The following FNDC7 variants were observed in gnomAD, a reference collection of about 807,000 sequenced individuals.
FNDC7 encodes fibronectin type III domain-containing protein 7.
Under a neutral mutation model 74.2 loss-of-function variants are expected in FNDC7, and 66 were observed. The observed-to-expected ratio is 0.89, with a 90% CI of 0.73 to 1.09. The LOEUF is 1.09. Among genes scored for constraint, FNDC7 ranks in the 50% least tolerant of loss-of-function variants. The pLI is 0.00. For synonymous variants in FNDC7, 307 were observed against 330.2 expected, an observed-to-expected ratio of 0.93 and a Z score of 0.76; for missense variants, 829 against 893.4, an observed-to-expected ratio of 0.93 and a Z score of 0.92.
intron 4 of FNDC7, 129 bp from the exon 5 acceptor site, chr1:108,722,206 A>T: frequency 1.1e-6 from 1 of 931,428 alleles, no homozygotes; most frequent in Non-Finnish European, 1.6e-6. Context: ...TCCCAATTTT[A>T]TGCTTTGAAC....
chr1:108,717,810 C>T lies in FNDC7; in HGVS notation c.116C>T (p.Ser39Leu). 6.4e-7 allele frequency: 1 copy of T among 1,551,702 alleles called. No individual in the cohort carries two copies. The highest frequency in any genetic ancestry group is 8.7e-7 in the Non-Finnish European group (1 of 1,146,998). Residue 39 changes from serine (S) to leucine (L), a missense_variant, in exon 3 of 13, where the codon TCA becomes TTA. Coordinates refer to ENST00000370017, the MANE Select transcript of FNDC7 (RefSeq NM_001144937.3). ...PEIPTIDQAY[S>L]KLSNSITVEW... ...ATACCCACTATTGATCAGGCATATT[C>T]AAAACTCAGCAACAGTATCACTGTA...
At chr1:108,736,269 G>A (rs563574882) in intron 10 of FNDC7, among the ~76,000 whole-genome samples, 12 of 151,992 alleles carry the variant, frequency 7.9e-5, no homozygotes, top group African/African-American at 2.2e-4. Flanking sequence ...CTCTTTGCCC[G>A]GAATTCCACC....
At chr1:108,729,862 A>G (rs1381651325) in intron 8 of FNDC7, among the ~76,000 whole-genome samples, 1 of 152,184 alleles carries the variant, frequency 6.6e-6, no homozygotes, top group East Asian at 1.9e-4. Flanking sequence ...GACCATACAA[A>G]ATACTGCATA....
At chr1:108,715,235 T>C (rs1390022103) in intron 2 of FNDC7, among the ~76,000 whole-genome samples, 1 of 152,146 alleles carries the variant, frequency 6.6e-6, no homozygotes, top group African/African-American at 2.4e-5. Flanking sequence ...CTAATTTAGA[T>C]CTCTTTGAGC....
Position 108,718,005 on chromosome 1 carries a change from C to A in FNDC7, c.311C>A (p.Ala104Glu), listed in dbSNP as rs1449924537. 1 of 1,551,702 alleles carries A rather than the reference C, an allele frequency of 6.4e-7. No homozygotes were observed. The highest frequency in any genetic ancestry group is 8.7e-7 in the Non-Finnish European group (1 of 1,146,992). ...RSISAAGRSQ[A>E]SPPKQAKTVL... ...ATCAGCGCTGCTGGGAGAAGCCAGG[C>A]GTCACCTCCAAAGCAGGCAAAGACA... is the stretch of plus-strand genomic sequence containing the variant. The change falls in exon 3 of 13, where the codon GCG (alanine) becomes GAG (glutamate). Residue 104 changes from alanine to glutamate, a missense_variant. By Grantham distance (107) the Ala-to-Glu change is moderately radical. Transcript: ENST00000370017.
intron 4 of FNDC7, among the ~76,000 whole-genome samples, chr1:108,721,447 C>T (rs4970806): frequency 0.54 from 81,470 of 151,818 alleles, 23,727 homozygotes; most frequent in East Asian, 0.87. Flanking sequence ...CCAGCCTGGG[C>T]GACAGAGCGA....
chr1:108,718,130 A>G, intron 3 of FNDC7, 99 bp downstream of exon 3: 1 of 1,421,538 alleles, frequency 7.0e-7, no homozygotes, highest in South Asian at 1.4e-5. Context: ...GTGTCACATG[A>G]GTGCCTACAA....
chr1:108,737,017 G>T (rs1359191953), intron 10 of FNDC7, among the ~76,000 whole-genome samples: 7 of 142,288 alleles, frequency 4.9e-5, no homozygotes, highest in Non-Finnish European at 4.5e-5. Flanking sequence ...ACCCAGGCTG[G>T]AGTGCAATGG....
At chr1:108,738,021 G>A (rs1661555245) in intron 11 of FNDC7, among the ~76,000 whole-genome samples, 1 of 152,180 alleles carries the variant, frequency 6.6e-6, no homozygotes, top group Admixed American at 6.5e-5. Context: ...AAACTTTATT[G>A]TGCACACACA....
chr1:108,722,961 G>C (rs1028813212), intron 5 of FNDC7, among the ~76,000 whole-genome samples: 1 of 140,408 alleles, frequency 7.1e-6, no homozygotes, highest in African/African-American at 2.5e-5. Flanking sequence ...CATGTCCTAG[G>C]CTTGGTGGGA....
At chr1:108,721,649 G>T (rs900720253) in intron 4 of FNDC7, among the ~76,000 whole-genome samples, 1 of 152,110 alleles carries the variant, frequency 6.6e-6, no homozygotes, top group African/African-American at 2.4e-5. Flanking sequence ...ACCTTCTTAC[G>T]CTTTTTTAAT....
chr1:108,730,483 C>G (rs1203624523), intron 8 of FNDC7, among the ~76,000 whole-genome samples, 191 bp from the exon 9 acceptor site: 2 of 151,516 alleles, frequency 1.3e-5, no homozygotes, highest in East Asian at 3.9e-4. Flanking sequence ...GGAAAGTACC[C>G]ACTATATACA....
chr1:108,730,683 G>A lies in FNDC7; in HGVS notation c.1634G>A (p.Cys545Tyr). The A allele has an allele frequency of 6.4e-7, 1 of 1,567,134 alleles. No individual in the cohort carries two copies. The highest frequency in any genetic ancestry group is 8.7e-7 in the Non-Finnish European group (1 of 1,152,970). The change falls in exon 9 of 13, where the codon TGT becomes TAT. Residue 545 changes from cysteine to tyrosine, a missense_variant. Coordinates refer to ENST00000370017, the MANE Select transcript of FNDC7 (RefSeq NM_001144937.3). ...YSVPLETVPC[C>Y]PTGLTVTQIT... is the part of the protein sequence containing the mutation. Reference sequence around the variant, plus strand: ...TTTTATCCCATTTAAGTGCCATGCTGTCCAACCGGTCTGACAGTAACTCAA... The same window carrying A: ...TTTTATCCCATTTAAGTGCCATGCTATCCAACCGGTCTGACAGTAACTCAA...
chr1:108,741,622 T>C, intron 11 of FNDC7, 151 bp from the exon 12 acceptor site: 1 of 784,890 alleles, frequency 1.3e-6, no homozygotes, highest in Non-Finnish European at 2.1e-6. Flanking sequence ...CTTTGTCAGT[T>C]GTCATAGTTT....
intron 6 of FNDC7, among the ~76,000 whole-genome samples, chr1:108,727,261 G>A (rs1661239984): frequency 6.6e-6 from 1 of 152,110 alleles, no homozygotes. Context: ...GGAAGCAGAG[G>A]TTGCTGTGAG....
chr1:108,724,118 T>C (rs1377730048), intron 5 of FNDC7, among the ~76,000 whole-genome samples: 1 of 152,240 alleles, frequency 6.6e-6, no homozygotes, highest in Non-Finnish European at 1.5e-5. Context: ...AGCACTTGAA[T>C]GAACAAACTT....
intron 7 of FNDC7, 114 bp downstream of exon 7, chr1:108,728,179 C>A: frequency 7.7e-7 from 1 of 1,306,892 alleles, no homozygotes. Flanking sequence ...ATTAATCAAT[C>A]TTTGTGGAGA....
chr1:108,728,099 C>G (rs765602634), intron 7 of FNDC7, 34 bp downstream of exon 7: 10 of 1,597,902 alleles, frequency 6.3e-6, no homozygotes, highest in Non-Finnish European at 7.7e-6. Context: ...TCACTGGTGT[C>G]TGAATGATTC....
intron 2 of FNDC7, among the ~76,000 whole-genome samples, chr1:108,715,760 A>C (rs942733547): frequency 3.9e-5 from 6 of 152,256 alleles, no homozygotes; most frequent in African/African-American, 1.2e-4. Flanking sequence ...CAGGTATTTT[A>C]AATTTCAAAG....
Sources: allele counts gnomAD v4.1 joint callset (sites outside exome capture counted in the v4.1 genomes callset), GRCh38; gene constraint gnomAD v4.1.1; transcripts MANE v1.5; gene names NCBI Gene and HGNC (gene_info 2026-07-23, HGNC 2026-07-21).